GRIK4: variants seen among roughly 807,000 people sequenced by gnomAD.
GRIK4 encodes glutamate receptor ionotropic, kainate 4.
GRIK4 carries 40 observed loss-of-function variants against 104.9 expected under a neutral mutation model. The observed-to-expected ratio is 0.38, with a 90% CI of 0.30 to 0.50. The LOEUF (loss-of-function observed/expected upper bound fraction) is 0.50, where lower values mean the gene tolerates loss of function less well. Ranked by LOEUF, GRIK4 falls within the 20% of genes least tolerant of loss-of-function variation. GRIK4 has a pLI of 0.93. For missense variants in GRIK4, 1,047 were observed against 1,308.1 expected, an observed-to-expected ratio of 0.80 and a Z score of 3.08; for synonymous variants, 485 against 524.9, an observed-to-expected ratio of 0.92 and a Z score of 1.04.
At chr11:120,926,818 C>A (rs1171802816) in intron 13 of GRIK4, among the ~76,000 whole-genome samples, 1 of 152,178 alleles carries the variant, frequency 6.6e-6, no homozygotes, top group African/African-American at 2.4e-5. Context: ...AGATGGCACT[C>A]TAGACAATCA....
chr11:120,660,257 C>A lies in GRIK4; in HGVS notation c.-50-12C>A, dbSNP rs372852246. 8.1e-7 allele frequency: 1 copy of A among 1,228,004 alleles called. No individual in the cohort carries two copies. The highest frequency in any genetic ancestry group is 1.2e-6 in the Non-Finnish European group (1 of 835,372). 76.1% of individuals were successfully genotyped at this position (1,228,004 alleles called of 1,614,324 possible). ...CCTGGGACTCACGTGCCCCCAACCC[C>A]CTCTCTCGCAGAGTTATGTCATGCC... On this transcript the variant is annotated splice_polypyrimidine_tract_variant and intron_variant, in intron 2 of 20. Coordinates refer to ENST00000527524, the MANE Select transcript of GRIK4 (RefSeq NM_014619.5).
At chr11:120,944,421 CTG>C (rs1272348059) in intron 14 of GRIK4, among the ~76,000 whole-genome samples, 1 of 152,178 alleles carries the variant, frequency 6.6e-6, no homozygotes, top group African/African-American at 2.4e-5. Context: ...ACCCCAAAAA[CTG>C]TGTCACAAGC....
At chr11:120,708,856 C>T (rs1408084442) in intron 3 of GRIK4, among the ~76,000 whole-genome samples, 1 of 152,162 alleles carries the variant, frequency 6.6e-6, no homozygotes, top group Admixed American at 6.5e-5. Context: ...ACCTCTTACC[C>T]CCTCCCGTGC....
rs115647668 is a variant in GRIK4 at position 120,546,306 on chromosome 11, G to A, written c.-159+34419G>A. Among the ~76,000 whole-genome samples the A allele has an allele frequency of 9.9e-3, 1,507 of 152,280 alleles. 38 individuals are homozygous for A. Among genetic ancestry groups the A allele is most frequent in the African/African-American group, 0.034 (1,407 of 41,548 alleles). On this transcript the variant is annotated intron_variant, in intron 1 of 20. Coordinates refer to ENST00000527524, the MANE Select transcript of GRIK4 (RefSeq NM_014619.5). ...CTTGCAGTCCTGGGTTAGTTCTCAG[G>A]ACTGCACCTTGAGGGAGATGGGCCA...
chr11:120,679,329 C>G (rs939414239), intron 3 of GRIK4, among the ~76,000 whole-genome samples: 1 of 152,122 alleles, frequency 6.6e-6, no homozygotes, highest in African/African-American at 2.4e-5. Context: ...TTTGGTTAAG[C>G]TTAACTTTTT....
At chr11:120,746,699 T>C (rs753388533) in intron 3 of GRIK4, among the ~76,000 whole-genome samples, 3 of 152,146 alleles carry the variant, frequency 2.0e-5, no homozygotes, top group African/African-American at 4.8e-5. Flanking sequence ...TCAAGAAATA[T>C]TCATGAGCTG....
At chr11:120,705,133 C>T (rs1432774951) in intron 3 of GRIK4, among the ~76,000 whole-genome samples, 1 of 152,094 alleles carries the variant, frequency 6.6e-6, no homozygotes, top group East Asian at 1.9e-4. Flanking sequence ...TGTGAATCCT[C>T]CAGTTTTGTT....
At chr11:120,520,441 G>A (rs190759247) in intron 1 of GRIK4, among the ~76,000 whole-genome samples, 10 of 152,348 alleles carry the variant, frequency 6.6e-5, no homozygotes, top group South Asian at 4.1e-4. Context: ...CCTGAATCAC[G>A]TGCCATTCTT....
chr11:120,833,084 C>A lies in GRIK4; in HGVS notation c.690+1054C>A, dbSNP rs77532079. ...CTCAGATGATTGTCTCCCCTCCTTC[C>A]CTCCCTCCCTCCCAGCTGCCCCTCC... On this transcript the variant is annotated intron_variant, in intron 7 of 20. Coordinates refer to ENST00000527524, the MANE Select transcript of GRIK4 (RefSeq NM_014619.5). Among the ~76,000 whole-genome samples, 57 of 152,060 alleles carry A rather than the reference C, an allele frequency of 3.7e-4. No homozygotes were observed. The East Asian group carries it at 9.3e-3, about 25-fold the overall frequency.
intron 7 of GRIK4, among the ~76,000 whole-genome samples, chr11:120,835,254 G>A (rs1280285744): frequency 5.9e-5 from 9 of 152,186 alleles, no homozygotes; most frequent in African/African-American, 9.7e-5. Flanking sequence ...GATTACAGGC[G>A]CGGTGCCTCA....
chr11:120,581,434 T>G (rs887555912), intron 1 of GRIK4, among the ~76,000 whole-genome samples: 1 of 152,232 alleles, frequency 6.6e-6, no homozygotes, highest in Non-Finnish European at 1.5e-5. Context: ...AACATAAAAT[T>G]TATTATCTCA....
At chr11:120,766,413 C>T (rs768395573) in intron 3 of GRIK4, among the ~76,000 whole-genome samples, 2 of 152,224 alleles carry the variant, frequency 1.3e-5, no homozygotes, top group Admixed American at 6.5e-5. Flanking sequence ...ATCCACTGAG[C>T]AAGACCACTT....
intron 8 of GRIK4, among the ~76,000 whole-genome samples, chr11:120,850,796 C>CATTATTATTATTATTATTATT (rs60692595): frequency 2.1e-5 from 3 of 144,816 alleles, no homozygotes; most frequent in African/African-American, 7.6e-5. Context: ...TGGCAAATCA[C>CATTATTATTATTATTATTATT]ATTATTATTA....
At chr11:120,965,333 A>C (rs1944364249) in intron 18 of GRIK4, among the ~76,000 whole-genome samples, 1 of 152,150 alleles carries the variant, frequency 6.6e-6, no homozygotes, top group Non-Finnish European at 1.5e-5. Flanking sequence ...AGTTCTCTCT[A>C]AACCTGAAAT....
chr11:120,739,539 T>C (rs1279345103), intron 3 of GRIK4, among the ~76,000 whole-genome samples: 1 of 152,332 alleles, frequency 6.6e-6, no homozygotes, highest in Non-Finnish European at 1.5e-5. Flanking sequence ...ATGGAGATGA[T>C]TTTCTAGGTG....
intron 3 of GRIK4, among the ~76,000 whole-genome samples, chr11:120,674,587 G>T (rs1351728175): frequency 6.6e-6 from 1 of 152,236 alleles, no homozygotes; most frequent in Non-Finnish European, 1.5e-5. Context: ...AAGCTGTGTT[G>T]TTCCCATCCT....
In GRIK4 at chr11:120,903,595, C is replaced by T. The variant is rs771291110; in HGVS notation, c.1273-1695C>T. ...GGACTGTCCCATCCTAAAACACCAT[C>T]GCCTTCACCTTTCCTACACCCTGCT... is the stretch of plus-strand genomic sequence containing the variant. On this transcript the variant is annotated intron_variant, in intron 12 of 20. Transcript: ENST00000527524. The surrounding 1 kb of genome is among the most constrained non-coding windows in gnomAD (Gnocchi z 4.4). Among the ~76,000 whole-genome samples the T allele has an allele frequency of 3.5e-4, 54 of 152,166 alleles. No individual in the cohort carries two copies. The highest frequency in any genetic ancestry group is 3.2e-3 in the Admixed American group (49 of 15,278).
At chr11:120,547,409 A>C (rs1948095808) in intron 1 of GRIK4, among the ~76,000 whole-genome samples, 2 of 152,206 alleles carry the variant, frequency 1.3e-5, no homozygotes, top group African/African-American at 4.8e-5. Context: ...ATGAGTGAAT[A>C]GCGTGGTGAG....
At chr11:120,589,366 A>C (rs936312730) in intron 1 of GRIK4, among the ~76,000 whole-genome samples, 2 of 152,154 alleles carry the variant, frequency 1.3e-5, no homozygotes, top group East Asian at 1.9e-4. Context: ...GGAGAAGTCA[A>C]AATCCTACCT....
Sources: allele counts gnomAD v4.1 joint callset (sites outside exome capture counted in the v4.1 genomes callset), GRCh38; gene constraint gnomAD v4.1.1; non-coding constraint Gnocchi (gnomAD v3.1); transcripts MANE v1.5; gene names NCBI Gene and HGNC (gene_info 2026-07-23, HGNC 2026-07-21).